The following PRICKLE1 variants were observed in gnomAD, a reference collection of about 807,000 sequenced individuals.
PRICKLE1 encodes prickle planar cell polarity protein 1.
PRICKLE1 carries 14 observed loss-of-function variants against 70.2 expected under a neutral mutation model. The observed-to-expected ratio is 0.20, with a 90% confidence interval of 0.13 to 0.31. PRICKLE1 has a LOEUF of 0.31. PRICKLE1 is among the 10% of genes least tolerant of loss of function. The probability of loss-of-function intolerance (pLI) is 1.00; values close to 1 mark genes in which losing one functional copy is unlikely to be tolerated. For missense variants in PRICKLE1, 821 were observed against 1,026.2 expected (o/e 0.80, Z 2.73); for synonymous variants, 357 against 379.9 (o/e 0.94, Z 0.70).
chr12:42,470,144 G>A (rs1938258077), intron 3 of PRICKLE1, 102 bp downstream of exon 3: 2 of 839,102 alleles, frequency 2.4e-6, no homozygotes, highest in Admixed American at 1.9e-5. Flanking sequence ...AGGCAAAAGG[G>A]AGCCCTCGCC....
At chr12:42,560,833 T>C (rs1265321827) in intron 1 of PRICKLE1, among the ~76,000 whole-genome samples, 1 of 148,344 alleles carries the variant, frequency 6.7e-6, no homozygotes, top group Non-Finnish European at 1.5e-5. Flanking sequence ...AAAAAACACA[T>C]GCTCTATTGG....
intron 1 of PRICKLE1, among the ~76,000 whole-genome samples, chr12:42,497,588 A>C (rs1307112588): frequency 6.6e-6 from 1 of 151,586 alleles, no homozygotes; most frequent in African/African-American, 2.4e-5. Flanking sequence ...TTGCCATCTT[A>C]TATGGGCACA....
intron 1 of PRICKLE1, among the ~76,000 whole-genome samples, chr12:42,572,346 GA>G (rs1256329334): frequency 1.3e-5 from 2 of 151,768 alleles, no homozygotes; most frequent in African/African-American, 4.8e-5. Context: ...TGAGGCAGGA[GA>G]ATCACTTGAA....
At chr12:42,577,107 C>T (rs547339690) in intron 1 of PRICKLE1, among the ~76,000 whole-genome samples, 5 of 152,308 alleles carry the variant, frequency 3.3e-5, no homozygotes, top group Admixed American at 1.3e-4. Context: ...TCAATGGGCA[C>T]GCACATTTTA....
In PRICKLE1 at chr12:42,460,093, T is replaced by C. The variant is rs886049375; in HGVS notation, c.2212A>G (p.Thr738Ala). The change falls in exon 8 of 8, where the codon ACT becomes GCT. Residue 738 changes from threonine to alanine, a missense_variant. Physicochemically the swap from Thr to Ala is moderately conservative, Grantham distance 58 (BLOSUM62 0). Transcript: ENST00000345127. ...ADLYGQYAHATSDYGLQNPGM... is the reference protein window; with the variant it reads ...ADLYGQYAHAASDYGLQNPGM... ...GGGTTCTGCAGGCCATAATCGGAAGTGGCATGGGCGTACTGTCCGTAGAGA... is the reference window on the plus strand; with the variant it reads ...GGGTTCTGCAGGCCATAATCGGAAGCGGCATGGGCGTACTGTCCGTAGAGA... 3 of 1,613,988 alleles carry C rather than the reference T, an allele frequency of 1.9e-6. No individual in the cohort carries two copies. In the Admixed American group the frequency reaches 5.0e-5, roughly 27 times the overall value.
intron 1 of PRICKLE1, among the ~76,000 whole-genome samples, chr12:42,500,664 C>CTTT (rs11448078): frequency 6.3e-5 from 9 of 142,846 alleles, no homozygotes; most frequent in Admixed American, 2.8e-4. Context: ...CATTAATTTT[C>CTTT]TTTTTTTTTT....
rs201217516 is a variant in PRICKLE1 at position 42,552,059 on chromosome 12, C to CTTTT, written c.-49+37402_-49+37405dup. ...AACCTGTACACATTCAAGAAAGTTA[C>CTTTT]TTTTTTTTTTTTTTTTTTTTTTTTG... On this transcript the variant is annotated intron_variant, in intron 1 of 7. Transcript: ENST00000345127. Among the ~76,000 whole-genome samples the CTTTT allele has an allele frequency of 9.1e-4, 117 of 129,156 alleles. 1 individual carries two copies. The South Asian group carries it at 0.012, about 13-fold the overall frequency. 84.7% of individuals were successfully genotyped at this position (129,156 alleles called of 152,430 possible).
chr12:42,551,364 T>C (rs1220183722), intron 1 of PRICKLE1, among the ~76,000 whole-genome samples: 1 of 152,206 alleles, frequency 6.6e-6, no homozygotes, highest in Admixed American at 6.5e-5. Flanking sequence ...AGAGTTATTT[T>C]ACTTCCTAGC....
chr12:42,493,152 T>A (rs1939134301), intron 1 of PRICKLE1, among the ~76,000 whole-genome samples: 1 of 152,232 alleles, frequency 6.6e-6, no homozygotes, highest in South Asian at 2.1e-4. Flanking sequence ...GAATGAGACC[T>A]ATTATTTAAT....
At chr12:42,538,350 T>G (rs1940050161) in intron 1 of PRICKLE1, among the ~76,000 whole-genome samples, 2 of 152,110 alleles carry the variant, frequency 1.3e-5, no homozygotes, top group African/African-American at 2.4e-5. Context: ...TTGCAGAAGG[T>G]TCTGTTGGAT....
chr12:42,506,259 C>CT (rs5797804), intron 1 of PRICKLE1, among the ~76,000 whole-genome samples: 96,191 of 123,228 alleles, frequency 0.78, 36,623 homozygotes, highest in East Asian at 0.94. Flanking sequence ...TTCTTTCTTT[C>CT]TTTTTTTTTT....
intron 1 of PRICKLE1, among the ~76,000 whole-genome samples, chr12:42,539,967 T>A (rs940085556): frequency 6.6e-6 from 1 of 152,188 alleles, no homozygotes; most frequent in Non-Finnish European, 1.5e-5. Flanking sequence ...CAGTGGGCAT[T>A]CTAGGCGGTG....
intron 1 of PRICKLE1, among the ~76,000 whole-genome samples, chr12:42,506,242 TTCTTTTTTCTTTCTTTC>T (rs1379960459): frequency 8.5e-6 from 1 of 117,948 alleles, no homozygotes; most frequent in Admixed American, 1.1e-4. Flanking sequence ...GTAAAAAATG[TTCTTTTTTCTTTCTTTC>T]TTTTTTTTTT....
At chr12:42,536,514 C>T (rs1940019134) in intron 1 of PRICKLE1, among the ~76,000 whole-genome samples, 3 of 152,254 alleles carry the variant, frequency 2.0e-5, no homozygotes, top group South Asian at 2.1e-4. Context: ...CTCACAGTCC[C>T]GTGTCCTGAA....
chr12:42,551,976 G>C (rs1024675172), intron 1 of PRICKLE1, among the ~76,000 whole-genome samples: 5 of 151,988 alleles, frequency 3.3e-5, no homozygotes, highest in African/African-American at 1.2e-4. Flanking sequence ...TGGAAGCTAA[G>C]AAGGTGGATT....
chr12:42,534,774 G>A (rs1013965623), intron 1 of PRICKLE1, among the ~76,000 whole-genome samples: 4 of 151,898 alleles, frequency 2.6e-5, no homozygotes, highest in African/African-American at 9.7e-5. Flanking sequence ...TTTTTTGAAA[G>A]GGGATACTAA....
intron 1 of PRICKLE1, among the ~76,000 whole-genome samples, chr12:42,490,606 C>T (rs150445191): frequency 1.1e-4 from 17 of 152,206 alleles, no homozygotes; most frequent in African/African-American, 4.1e-4. Context: ...AGAAGATAGT[C>T]GGTGTGTCTG....
intron 1 of PRICKLE1, among the ~76,000 whole-genome samples, chr12:42,504,838 G>A (rs1366299389): frequency 6.6e-6 from 1 of 151,982 alleles, no homozygotes; most frequent in Non-Finnish European, 1.5e-5. Context: ...TCATTGTTCT[G>A]TAAGGTTAAA....
intron 3 of PRICKLE1, 113 bp from the exon 4 acceptor site, chr12:42,469,700 T>C: frequency 7.4e-7 from 1 of 1,356,246 alleles, no homozygotes; most frequent in South Asian, 1.2e-5. Context: ...AGCTCGCCTG[T>C]GTCACACCCC....
Sources: allele counts gnomAD v4.1 joint callset (sites outside exome capture counted in the v4.1 genomes callset), GRCh38; gene constraint gnomAD v4.1.1; transcripts MANE v1.5; gene names NCBI Gene and HGNC (gene_info 2026-07-23, HGNC 2026-07-21).